Variants in MAP2K1 observed in about 807,000 individuals in gnomAD.
The protein encoded by MAP2K1 is dual specificity mitogen-activated protein kinase kinase 1.
A neutral mutation model predicts 46.3 loss-of-function variants in MAP2K1; 16 were observed. The ratio of observed to expected loss-of-function variants is 0.35; its 90% CI spans 0.23 to 0.52. The LOEUF (loss-of-function observed/expected upper bound fraction) is 0.52. Ranked by LOEUF, MAP2K1 falls within the 20% of genes least tolerant of loss-of-function variation. The pLI is 0.94. For synonymous variants in MAP2K1, 183 were observed against 185.6 expected (o/e 0.99, Z 0.11); for missense variants, 263 against 497.1 (o/e 0.53, Z 4.48).
rs73471743 is a variant in MAP2K1 at position 66,482,628 on chromosome 15, C to T, written c.693+749C>T. The stretch of plus-strand genomic sequence containing the variant: ...TGTTTTCTTCCCTCCTCCATACCAC[C>T]GGTTCCTTGGGGACAGGGACAAGGT... On this transcript the variant is annotated intron_variant, in intron 6 of 10. Transcript: ENST00000307102. Among the ~76,000 whole-genome samples, 1,323 of 152,316 alleles carry T rather than the reference C, an allele frequency of 8.7e-3. 27 individuals are homozygous for T. Among genetic ancestry groups the T allele is most frequent in the African/African-American group, 0.03 (1,252 of 41,554 alleles).
rs1567003282 is a variant in MAP2K1 at position 66,420,869 on chromosome 15, GTGTGTATATATATGTGTATA to G, written c.81-14156_81-14137del. ...TGTATATATATGTGTGTATATATAT[GTGTGTATATATATGTGTATA>G]TATACACATACATACATACACACAC... is the stretch of plus-strand genomic sequence containing the variant. On this transcript the variant is annotated intron_variant, in intron 1 of 10. Coordinates refer to ENST00000307102, the MANE Select transcript of MAP2K1 (RefSeq NM_002755.4). Among the ~76,000 whole-genome samples the G allele has an allele frequency of 6.6e-4, 84 of 127,388 alleles. 9 individuals are homozygous for G. The highest frequency in any genetic ancestry group is 4.4e-3 in the Middle Eastern group (1 of 228). 83.6% of individuals were successfully genotyped at this position (127,388 alleles called of 152,430 possible). A position where few individuals can be genotyped will look rare whatever the true frequency, so the allele number is the denominator to read the frequency against.
chr15:66,485,204 G>A lies in MAP2K1; in HGVS notation c.895+13G>A, dbSNP rs1893009301. 2 of 1,612,082 alleles carry A rather than the reference G, an allele frequency of 1.2e-6. No individual in the cohort carries two copies. The highest frequency in any genetic ancestry group is 2.2e-5 in the East Asian group (1 of 44,824). ...AGGCCCCTTAGCTGTGAGTAGCCTGGTGTGTCCCCATCTTGGACTGTTGGA... is the reference window on the plus strand; with the variant it reads ...AGGCCCCTTAGCTGTGAGTAGCCTGATGTGTCCCCATCTTGGACTGTTGGA... On this transcript the variant is annotated intron_variant, in intron 7 of 10. Transcript: ENST00000307102.
chr15:66,396,919 AGT>A (rs1216656850), intron 1 of MAP2K1, among the ~76,000 whole-genome samples: 1 of 149,440 alleles, frequency 6.7e-6, no homozygotes, highest in Non-Finnish European at 1.5e-5. Flanking sequence ...TCCTGACCTC[AGT>A]TGATCTGCCC....
At chr15:66,454,979 A>G (rs1191711957) in intron 5 of MAP2K1, among the ~76,000 whole-genome samples, 2 of 152,038 alleles carry the variant, frequency 1.3e-5, no homozygotes, top group African/African-American at 4.8e-5. Flanking sequence ...AACCAAGGCT[A>G]CTCTAGTTGG....
chr15:66,439,182 T>C (rs528391331), intron 3 of MAP2K1, among the ~76,000 whole-genome samples: 18 of 152,324 alleles, frequency 1.2e-4, no homozygotes, highest in African/African-American at 3.8e-4. Flanking sequence ...GACCTTCTGC[T>C]TTGCCTCAGC....
intron 1 of MAP2K1, among the ~76,000 whole-genome samples, chr15:66,391,262 C>T (rs1483053804): frequency 6.6e-6 from 1 of 152,148 alleles, no homozygotes; most frequent in Non-Finnish European, 1.5e-5. Context: ...TTTATCTCTC[C>T]TGTACACTAT....
chr15:66,391,142 T>G (rs2093355316), intron 1 of MAP2K1, among the ~76,000 whole-genome samples: 1 of 149,558 alleles, frequency 6.7e-6, no homozygotes, highest in Admixed American at 6.7e-5. Context: ...TTCTACCACC[T>G]CAGCCTCTTG....
chr15:66,472,079 A>AC (rs1892648971), intron 5 of MAP2K1, among the ~76,000 whole-genome samples: 3 of 150,796 alleles, frequency 2.0e-5, no homozygotes, highest in African/African-American at 7.3e-5. Context: ...CCATCTCAAA[A>AC]AAAAAAAAAA....
chr15:66,401,922 G>GGAA, intron 1 of MAP2K1: 1 of 1,266,378 alleles, frequency 7.9e-7, no homozygotes, highest in South Asian at 1.3e-5. Flanking sequence ...GCATCGGTTC[G>GGAA]GGTCGAAGGA....
At chr15:66,454,001 C>T (rs1333631676) in intron 5 of MAP2K1, among the ~76,000 whole-genome samples, 2 of 152,166 alleles carry the variant, frequency 1.3e-5, no homozygotes, top group African/African-American at 2.4e-5. Context: ...TAACGAGGCT[C>T]CAAAACTTAG....
intron 1 of MAP2K1, among the ~76,000 whole-genome samples, chr15:66,397,414 G>C (rs984330138): frequency 6.6e-6 from 1 of 152,152 alleles, no homozygotes; most frequent in Admixed American, 6.5e-5. Flanking sequence ...GGGAAGTAGG[G>C]TGGGAGAGCA....
At chr15:66,409,406 G>A (rs1239019380) in intron 1 of MAP2K1, among the ~76,000 whole-genome samples, 2 of 152,100 alleles carry the variant, frequency 1.3e-5, no homozygotes, top group Non-Finnish European at 2.9e-5. Context: ...TGGGCCGGAT[G>A]GATCTGGGAG....
intron 5 of MAP2K1, among the ~76,000 whole-genome samples, chr15:66,481,298 G>A (rs1024899651): frequency 7.9e-5 from 12 of 152,254 alleles, no homozygotes; most frequent in African/African-American, 2.9e-4. Flanking sequence ...GGGAATTCCC[G>A]CCAAACCCTG....
intron 5 of MAP2K1, among the ~76,000 whole-genome samples, chr15:66,478,399 TGTATATATATATATACACACAG>T (rs1224302125): frequency 1.4e-4 from 14 of 101,592 alleles, no homozygotes; most frequent in Non-Finnish European, 2.4e-4. Context: ...GATATGTGTG[TGTATATATATATATACACACAG>T]GTATATATAT....
intron 1 of MAP2K1, among the ~76,000 whole-genome samples, chr15:66,414,599 G>A (rs1204610486): frequency 1.3e-5 from 2 of 152,100 alleles, no homozygotes; most frequent in Non-Finnish European, 2.9e-5. Context: ...GAGCTTCAGT[G>A]TCCAGAGTTT....
intron 1 of MAP2K1, among the ~76,000 whole-genome samples, chr15:66,396,001 A>C (rs372393693): frequency 6.6e-6 from 1 of 151,870 alleles, no homozygotes; most frequent in South Asian, 2.1e-4. Context: ...AATGGTACCC[A>C]TCTTTTTTGT....
chr15:66,387,520 C>T (rs2093344796), intron 1 of MAP2K1, 93 bp downstream of exon 1: 1 of 1,283,712 alleles, frequency 7.8e-7, no homozygotes, highest in Admixed American at 2.0e-5. Context: ...TCTGGTTTGT[C>T]ACGTACGTCT....
chr15:66,398,190 G>C (rs2093372837), intron 1 of MAP2K1, among the ~76,000 whole-genome samples: 3 of 151,758 alleles, frequency 2.0e-5, no homozygotes, highest in Admixed American at 6.6e-5. Flanking sequence ...GCCAAGTCAG[G>C]AGGATTGCTT....
intron 1 of MAP2K1, among the ~76,000 whole-genome samples, chr15:66,391,444 G>A (rs746845842): frequency 6.6e-6 from 1 of 152,032 alleles, no homozygotes; most frequent in Non-Finnish European, 1.5e-5. Flanking sequence ...GCCCACCACT[G>A]CGTCCAGCTA....
Sources: gnomAD v4.1 joint callset for allele counts (sites outside exome capture counted in the v4.1 genomes callset) on GRCh38, gnomAD v4.1.1 for gene constraint, MANE v1.5 for transcripts, NCBI Gene and HGNC (gene_info 2026-07-23, HGNC 2026-07-21) for gene names.